Variants in ADGRE1 observed in about 807,000 individuals in gnomAD.
ADGRE1 encodes the protein adhesion G protein-coupled receptor E1, also known as EGF-like module receptor 1.
In ADGRE1, 82 loss-of-function variants were observed where a neutral mutation model predicts 102.7. That is an observed-to-expected ratio of 0.80 (90% CI 0.67 to 0.96). The LOEUF is 0.96. ADGRE1 is among the 40% of genes least tolerant of loss of function. The pLI is 0.00. For missense variants in ADGRE1, 1,032 were observed against 1,085.3 expected (o/e 0.95, Z 0.69); for synonymous variants, 398 against 399.6 (o/e 1.00, Z 0.05).
intron 1 of ADGRE1, among the ~76,000 whole-genome samples, chr19:6,888,867 G>C (rs989525219): frequency 2.6e-5 from 4 of 152,138 alleles, no homozygotes; most frequent in African/African-American, 7.2e-5. Flanking sequence ...TGTTATTTTG[G>C]GGTGTTGGCA....
intron 5 of ADGRE1, chr19:6,898,779 A>G (rs1973663663): frequency 2.0e-6 from 1 of 506,678 alleles, no homozygotes; most frequent in East Asian, 3.3e-5. Context: ...TCATGTAGGG[A>G]TGAGAAAATT....
chr19:6,940,136 T>A lies in ADGRE1; in HGVS notation c.*107T>A. The A allele has an allele frequency of 7.5e-7, 1 of 1,328,434 alleles. No homozygotes were observed. The highest frequency in any genetic ancestry group is 1.1e-6 in the Non-Finnish European group (1 of 938,864). 82.3% of individuals were successfully genotyped at this position (1,328,434 alleles called of 1,614,324 possible). On this transcript the variant is annotated 3_prime_UTR_variant, in exon 21 of 21. Transcript: ENST00000312053. ...TCTCAGCTTAACATGGAAATGAGGA[T>A]CCCACCAGCCCCAGAACCCTCTGGG...
intron 1 of ADGRE1, among the ~76,000 whole-genome samples, chr19:6,888,323 G>A (rs926296774): frequency 6.6e-6 from 1 of 152,212 alleles, no homozygotes; most frequent in South Asian, 2.1e-4. Context: ...GAAGTCTGGG[G>A]TTGAGGAGGG....
intron 11 of ADGRE1, 46 bp from the exon 12 acceptor site, chr19:6,916,203 T>C (rs1329649160): frequency 3.2e-6 from 5 of 1,586,784 alleles, no homozygotes; most frequent in Non-Finnish European, 4.3e-6. Context: ...AATTCAGGAC[T>C]GACTTTCTGG....
In ADGRE1 at chr19:6,906,434, G is replaced by T. The variant is rs768808760; in HGVS notation, c.951G>T (p.Arg317Ser). Residue 317 changes from arginine (R) to serine (S), a missense_variant and splice_region_variant, in exon 9 of 21, where the codon AGG becomes AGT. Coordinates refer to ENST00000312053, the MANE Select transcript of ADGRE1 (RefSeq NM_001974.5). Reference protein sequence around the residue: ...SQKDGNFSCQRVLFKCKEDVI... With the variant: ...SQKDGNFSCQSVLFKCKEDVI... ...TGGTTGCTGTTGTTTTCTTCCTAGG[G>T]GTTCTCTTCAAATGTAAGGAAGATG... The T allele has an allele frequency of 1.2e-6, 2 of 1,611,484 alleles. No individual in the cohort carries two copies. The highest frequency in any genetic ancestry group is 2.2e-5 in the South Asian group (2 of 90,666).
intron 11 of ADGRE1, among the ~76,000 whole-genome samples, chr19:6,915,210 G>C (rs1974330437): frequency 6.6e-6 from 1 of 151,988 alleles, no homozygotes; most frequent in South Asian, 2.1e-4. Context: ...GTCTTGCTAT[G>C]TTGCCCACGC....
At chr19:6,919,175 G>A (rs964705301) in intron 12 of ADGRE1, among the ~76,000 whole-genome samples, 6 of 152,126 alleles carry the variant, frequency 3.9e-5, no homozygotes, top group Non-Finnish European at 7.4e-5. Context: ...TGGAGCTACA[G>A]GTGCGCATCA....
intron 17 of ADGRE1, among the ~76,000 whole-genome samples, chr19:6,932,607 C>T (rs1975208709): frequency 6.6e-6 from 1 of 152,192 alleles, no homozygotes; most frequent in Admixed American, 6.5e-5. Flanking sequence ...TGATGCTCTT[C>T]TGTGTGAAAC....
chr19:6,934,419 C>CTTTTT (rs71177132), intron 17 of ADGRE1, among the ~76,000 whole-genome samples: 6 of 95,464 alleles, frequency 6.3e-5, no homozygotes, highest in Admixed American at 1.0e-4. Flanking sequence ...TCTTCTTCTT[C>CTTTTT]TTTTTTTTTT....
At chr19:6,926,138 T>C (rs1170734718) in intron 15 of ADGRE1, among the ~76,000 whole-genome samples, 3 of 152,224 alleles carry the variant, frequency 2.0e-5, no homozygotes, top group African/African-American at 7.2e-5. Flanking sequence ...CTGAAAGTCA[T>C]GCGTCTTGGG....
intron 17 of ADGRE1, among the ~76,000 whole-genome samples, chr19:6,930,492 T>C (rs1975092595): frequency 6.6e-6 from 1 of 152,204 alleles, no homozygotes; most frequent in South Asian, 2.1e-4. Flanking sequence ...ATTTATGGGG[T>C]ATATGAAATA....
chr19:6,913,238 G>A (rs1974262165), intron 10 of ADGRE1, among the ~76,000 whole-genome samples: 1 of 152,072 alleles, frequency 6.6e-6, no homozygotes. Context: ...GAGTGCAGTG[G>A]TGCGATCTCA....
intron 11 of ADGRE1, among the ~76,000 whole-genome samples, chr19:6,915,422 G>A (rs1974337089): frequency 6.6e-6 from 1 of 152,080 alleles, no homozygotes; most frequent in Non-Finnish European, 1.5e-5. Context: ...TTTTCATGAA[G>A]GGCCAGTGGG....
chr19:6,930,778 C>T (rs1025057755), intron 17 of ADGRE1, among the ~76,000 whole-genome samples: 1 of 152,118 alleles, frequency 6.6e-6, no homozygotes, highest in African/African-American at 2.4e-5. Context: ...GCTGGGATTA[C>T]AGGTGTGCGC....
chr19:6,908,380 CTG>C (rs976497958), intron 9 of ADGRE1, among the ~76,000 whole-genome samples: 8 of 152,278 alleles, frequency 5.3e-5, no homozygotes, highest in African/African-American at 1.9e-4. Context: ...CTCTATATTC[CTG>C]TGTGTGTGTC....
intron 20 of ADGRE1, 22 bp downstream of exon 20, chr19:6,937,670 G>T (rs921015883): frequency 6.2e-7 from 1 of 1,611,182 alleles, no homozygotes; most frequent in Non-Finnish European, 8.5e-7. Flanking sequence ...CATGCTCCCT[G>T]CAGGTGCTGG....
At chr19:6,918,842 G>A (rs1051121941) in intron 12 of ADGRE1, among the ~76,000 whole-genome samples, 2 of 150,598 alleles carry the variant, frequency 1.3e-5, no homozygotes, top group African/African-American at 4.9e-5. Context: ...GTCGTACCTC[G>A]GCCTCCCGAG....
At position 6,919,533 on chromosome 19, in the gene ADGRE1, TGGGG is replaced by T. The variant is rs1272973827; in HGVS notation, c.1421-14_1421-11del. ...AAACGATTCCTTCCTTTTTTTCATT[TGGGG>T]AAACCTGCAGAGACCACTGGTGTGG... On this transcript the variant is annotated splice_polypyrimidine_tract_variant and intron_variant, in intron 12 of 20. Transcript: ENST00000312053. 1 of 1,608,384 alleles carries T rather than the reference TGGGG, an allele frequency of 6.2e-7. No individual in the cohort carries two copies. The highest frequency in any genetic ancestry group is 1.1e-5 in the South Asian group (1 of 90,942).
Position 6,940,105 on chromosome 19 carries a change from A to C in ADGRE1, c.*76A>C. On this transcript the variant is annotated 3_prime_UTR_variant, in exon 21 of 21. Transcript: ENST00000312053. ...GTTTCCTGCAGGAGCCTACCCTGAA[A>C]TCTCTTCTCAGCTTAACATGGAAAT... 1 of 1,517,442 alleles carries C rather than the reference A, an allele frequency of 6.6e-7. No individual in the cohort carries two copies. The highest frequency in any genetic ancestry group is 9.1e-7 in the Non-Finnish European group (1 of 1,099,338). 94.0% of individuals were successfully genotyped at this position (1,517,442 alleles called of 1,614,324 possible).
Sources: allele counts gnomAD v4.1 joint callset (sites outside exome capture counted in the v4.1 genomes callset), GRCh38; gene constraint gnomAD v4.1.1; transcripts MANE v1.5; gene names NCBI Gene and HGNC (gene_info 2026-07-23, HGNC 2026-07-21).